PTPRF: variants seen among roughly 807,000 people sequenced by gnomAD.
PTPRF encodes the protein receptor-type tyrosine-protein phosphatase F.
In PTPRF, 59 loss-of-function variants were observed where a neutral mutation model predicts 201.8. The ratio of observed to expected loss-of-function variants is 0.29; its 90% confidence interval spans 0.24 to 0.36. PTPRF has a LOEUF of 0.36. PTPRF is among the 10% of genes least tolerant of loss of function. The pLI, the probability that PTPRF is intolerant of heterozygous loss-of-function variation, is 1.00. For missense variants in PTPRF, 2,132 were observed against 2,690.5 expected (o/e 0.79, Z 4.59); for synonymous variants, 1,088 against 1,089.7 (o/e 1.00, Z 0.03).
chr1:43,541,579 G>T (rs1644365565), intron 2 of PTPRF, among the ~76,000 whole-genome samples: 1 of 152,148 alleles, frequency 6.6e-6, no homozygotes, highest in Non-Finnish European at 1.5e-5. Flanking sequence ...CATGGGGTTG[G>T]CAATTTTTTA....
chr1:43,600,130 C>T (rs1023548790), intron 13 of PTPRF, among the ~76,000 whole-genome samples: 5 of 152,188 alleles, frequency 3.3e-5, no homozygotes, highest in Non-Finnish European at 7.4e-5. Flanking sequence ...CTAAGGCATC[C>T]GGGGTGGAGG....
In PTPRF at chr1:43,620,351, C is replaced by T. The variant is rs1658909458; in HGVS notation, c.5239-103C>T. On this transcript the variant is annotated intron_variant, in intron 30 of 33. Coordinates refer to ENST00000359947, the MANE Select transcript of PTPRF (RefSeq NM_002840.5). ...GCTTGTCAGCATGGCCTCAGGCGCCCGTTATTACTACCTGAGGCATCTGTC... is the reference window on the plus strand; with the variant it reads ...GCTTGTCAGCATGGCCTCAGGCGCCTGTTATTACTACCTGAGGCATCTGTC... 2.2e-5 allele frequency: 33 copies of T among 1,520,738 alleles called. No homozygotes were observed. The East Asian group carries it at 4.5e-4, about 21-fold the overall frequency. 94.2% of individuals were successfully genotyped at this position (1,520,738 alleles called of 1,614,324 possible). A position where few individuals can be genotyped will look rare whatever the true frequency, so the allele number is the denominator to read the frequency against.
intron 5 of PTPRF, among the ~76,000 whole-genome samples, chr1:43,568,472 A>T (rs139460754): frequency 2.6e-5 from 4 of 152,162 alleles, no homozygotes; most frequent in African/African-American, 9.7e-5. Context: ...TCCGCATCAG[A>T]TGCTCCGCAA....
chr1:43,603,353 C>G lies in PTPRF; in HGVS notation c.2341-63C>G, dbSNP rs1654254128. On this transcript the variant is annotated intron_variant, in intron 14 of 33. Transcript: ENST00000359947. This position sits in a 1 kb window ranked among gnomAD's most constrained non-coding sequence, Gnocchi z 5.8. Reference sequence around the variant, plus strand: ...CCCTCAGGCTAGGGTCCTGAGGTCCCTGACAAGGTCTGGCCTCTCCCTGCA... The same window carrying G: ...CCCTCAGGCTAGGGTCCTGAGGTCCGTGACAAGGTCTGGCCTCTCCCTGCA... 6.8e-7 allele frequency: 1 copy of G among 1,480,624 alleles called. No individual in the cohort carries two copies. Among genetic ancestry groups the G allele is most frequent in the Non-Finnish European group, 9.4e-7 (1 of 1,059,308 alleles). The allele number at this position is 1,480,624 out of a possible 1,614,324, so 91.7% of individuals were successfully genotyped here.
chr1:43,553,820 G>A lies in PTPRF; in HGVS notation c.258G>A (p.Gly86=), dbSNP rs531895316. 1.9e-6 allele frequency: 3 copies of A among 1,614,184 alleles called. No homozygotes were observed. The highest frequency in any genetic ancestry group is 1.6e-4 in the Middle Eastern group (1 of 6,062). ...GACAGGTCATTGAGTTTGATGATGGGGCAGGGTCAGTGCTTCGGATCCAGC... is the reference window on the plus strand; with the variant it reads ...GACAGGTCATTGAGTTTGATGATGGAGCAGGGTCAGTGCTTCGGATCCAGC... The part of the protein sequence containing the change: ...QRFEVIEFDD[G]AGSVLRIQPL... Residue 86 remains glycine (G), a synonymous_variant, in exon 5 of 34, where the codon GGG becomes GGA. Coordinates refer to ENST00000359947, the MANE Select transcript of PTPRF (RefSeq NM_002840.5). This position sits in a 1 kb window ranked among gnomAD's most constrained non-coding sequence, Gnocchi z 4.1.
chr1:43,573,175 G>A (rs982342093), intron 6 of PTPRF, among the ~76,000 whole-genome samples: 2 of 152,124 alleles, frequency 1.3e-5, no homozygotes, highest in African/African-American at 2.4e-5. Context: ...ACTTGAGACC[G>A]GGGTAGGCCC....
intron 11 of PTPRF, among the ~76,000 whole-genome samples, chr1:43,595,816 A>G (rs1296283741): frequency 1.3e-5 from 2 of 152,118 alleles, no homozygotes; most frequent in Non-Finnish European, 2.9e-5. Flanking sequence ...TGTGGGAGAC[A>G]TGGTCATGCG....
intron 5 of PTPRF, among the ~76,000 whole-genome samples, chr1:43,567,075 C>T (rs2153985362): frequency 6.6e-6 from 1 of 152,312 alleles, no homozygotes; most frequent in East Asian, 1.9e-4. Context: ...ATGAAGGCCA[C>T]TTGACTCCTG....
At chr1:43,610,156 G>T (rs1015065970) in intron 22 of PTPRF, among the ~76,000 whole-genome samples, 2 of 152,172 alleles carry the variant, frequency 1.3e-5, no homozygotes, top group Non-Finnish European at 2.9e-5. Context: ...CTCACAGTGA[G>T]CTGGGATTAC....
chr1:43,612,883 C>A (rs1570658557), intron 22 of PTPRF: 1 of 1,143,288 alleles, frequency 8.7e-7, no homozygotes, highest in East Asian at 5.0e-5. Context: ...TACCCCATCG[C>A]CTCCATCCTT....
rs924949585 is a variant in PTPRF at position 43,578,750 on chromosome 1, C to T, written c.569-60C>T. ...CACAGATGCTGTCGAGACCTCTCAC[C>T]GTGTTCCAGGCCACACTCGACATGG... On this transcript the variant is annotated intron_variant, in intron 6 of 33. Coordinates refer to ENST00000359947, the MANE Select transcript of PTPRF (RefSeq NM_002840.5). 7.7e-6 allele frequency: 10 copies of T among 1,294,832 alleles called. 1 individual carries two copies. Among genetic ancestry groups the T allele is most frequent in the Middle Eastern group, 2.3e-4 (1 of 4,344 alleles). 80.2% of individuals were successfully genotyped at this position (1,294,832 alleles called of 1,614,324 possible).
intron 7 of PTPRF, among the ~76,000 whole-genome samples, chr1:43,586,012 G>T (rs1309996236): frequency 2.0e-5 from 3 of 152,136 alleles, no homozygotes; most frequent in African/African-American, 7.2e-5. Context: ...GAGCCTTCTG[G>T]GTCTTTTTTC....
At chr1:43,525,954 A>T (rs1643091469), upstream of PTPRF, among the ~76,000 whole-genome samples, 1 of 151,994 alleles carries the variant, frequency 6.6e-6, no homozygotes, top group African/African-American at 2.4e-5. Flanking sequence ...ACAGAGAGGC[A>T]CTTGAGTCTC....
chr1:43,598,586 T>G, intron 12 of PTPRF, 134 bp from the exon 13 acceptor site: 3 of 831,794 alleles, frequency 3.6e-6, no homozygotes, highest in Non-Finnish European at 1.9e-6. Context: ...CAGGGACAGA[T>G]GATCTAAGGA....
rs1455359848 is a variant in PTPRF, at chr1:43,588,734, G to A, written c.683G>A (p.Arg228His). ...SAPANLYVRV[R>H]RVAPRFSIPP... is the part of the protein sequence containing the mutation. ...GCCTCTCTCCCTCCTCCTGCAGTGC[G>A]CCGCGTGGCTCCTCGTTTCTCCATC... The change falls in exon 8 of 34, where the codon CGC (arginine) becomes CAC (histidine). Residue 228 changes from arginine to histidine, a missense_variant. Around this residue, in one of 6 missense-constraint regions of PTPRF, gnomAD observed 297 missense variants for 454.0 expected, o/e 0.65. Transcript: ENST00000359947. The surrounding 1 kb of genome is among the most constrained non-coding windows in gnomAD (Gnocchi z 5.3). The A allele has an allele frequency of 1.9e-6, 3 of 1,612,718 alleles. No individual in the cohort carries two copies. Among genetic ancestry groups the A allele is most frequent in the Non-Finnish European group, 2.5e-6 (3 of 1,179,942 alleles).
chr1:43,551,606 G>C (rs1220755735), intron 3 of PTPRF, among the ~76,000 whole-genome samples: 4 of 152,178 alleles, frequency 2.6e-5, no homozygotes, highest in Non-Finnish European at 5.9e-5. Context: ...GAGTGAGAAG[G>C]CTGGATCAAA....
intron 3 of PTPRF, among the ~76,000 whole-genome samples, chr1:43,551,395 C>T (rs541964323): frequency 7.2e-5 from 11 of 152,070 alleles, no homozygotes; most frequent in East Asian, 1.9e-4. Context: ...CAGCTGCAGT[C>T]GGGAGAGCCT....
Position 43,588,273 on chromosome 1 carries a change from T to C in PTPRF, c.680-458T>C, listed in dbSNP as rs945232633. 1.3e-5 allele frequency among the ~76,000 whole-genome samples: 2 copies of C among 152,170 alleles called. No individual in the cohort carries two copies. Among genetic ancestry groups the C allele is most frequent in the Admixed American group, 6.5e-5 (1 of 15,282 alleles). On this transcript the variant is annotated intron_variant, in intron 7 of 33. Transcript: ENST00000359947. This position sits in a 1 kb window ranked among gnomAD's most constrained non-coding sequence, Gnocchi z 5.3. ...GTCCCTCTGGACTGGCCTTCTGCTC[T>C]GCCCAGCCATGCTCTGAGGACCCTC...
At position 43,598,848 on chromosome 1, in the gene PTPRF, C is replaced by T. The variant is rs1052217275; in HGVS notation, c.2248C>T (p.Arg750Trp). The T allele has an allele frequency of 2.5e-6, 4 of 1,614,158 alleles. No homozygotes were observed. Among genetic ancestry groups the T allele is most frequent in the Non-Finnish European group, 3.4e-6 (4 of 1,180,010 alleles). ...QIRGYQVTYVRLENGEPRGLP... is the reference protein window; with the variant it reads ...QIRGYQVTYVWLENGEPRGLP... ...CCGCGGCTACCAGGTCACCTACGTG[C>T]GGCTGGAGAATGGCGAGCCCCGTGG... The change falls in exon 13 of 34, where the codon CGG becomes TGG. Residue 750 changes from arginine to tryptophan, a missense_variant. Physicochemically the swap from Arg to Trp is moderately radical, Grantham distance 101. Coordinates refer to ENST00000359947, the MANE Select transcript of PTPRF (RefSeq NM_002840.5).
Sources: allele counts gnomAD v4.1 joint callset (sites outside exome capture counted in the v4.1 genomes callset), GRCh38; gene constraint gnomAD v4.1.1; regional missense constraint gnomAD v4.1.1; non-coding constraint Gnocchi (gnomAD v3.1); transcripts MANE v1.5; gene names NCBI Gene and HGNC (gene_info 2026-07-23, HGNC 2026-07-21).